The following TNR variants were observed in gnomAD, a reference collection of about 807,000 sequenced individuals.
The protein encoded by TNR is tenascin R, also known as tenascin-R.
A neutral mutation model predicts 150.4 loss-of-function variants in TNR; 45 were observed. The observed-to-expected ratio is 0.30, with a 90% CI of 0.24 to 0.38. TNR has a LOEUF of 0.38. TNR is among the 10% of genes least tolerant of loss of function. The probability of loss-of-function intolerance (pLI) is 1.00; values close to 1 mark genes in which losing one functional copy is unlikely to be tolerated. For missense variants in TNR, 1,544 were observed against 1,759.1 expected, an observed-to-expected ratio of 0.88 and a Z score of 2.19; for synonymous variants, 687 against 678.4, an observed-to-expected ratio of 1.01 and a Z score of -0.20.
At chr1:175,662,098 C>T (rs1168548716) in intron 1 of TNR, among the ~76,000 whole-genome samples, 1 of 152,074 alleles carries the variant, frequency 6.6e-6, no homozygotes, top group African/African-American at 2.4e-5. Context: ...GGGATTAGGA[C>T]CAGAAACCAC....
chr1:175,366,172 T>C (rs1359160110), intron 10 of TNR, 34 bp from the exon 11 acceptor site: 2 of 1,554,422 alleles, frequency 1.3e-6, no homozygotes, highest in African/African-American at 2.7e-5. Context: ...ATTTTACATG[T>C]GTTCCCCTGG....
In TNR at chr1:175,366,054, A is replaced by G. The variant is rs750755936; in HGVS notation, c.2138T>C (p.Ile713Thr). The part of the protein sequence containing the change: ...SLIWTKASGP[I>T]DHYRITFTPS... ...GGTAAAGGTAATTCGGTAGTGGTCA[A>G]TGGGGCCACTGGCCTTGGTCCAGAT... The change falls in exon 11 of 23, where the codon ATT becomes ACT. Residue 713 changes from isoleucine (I) to threonine (T), a missense_variant. Ile to Thr is a moderately conservative substitution (Grantham distance 89, BLOSUM62 -1). Transcript: ENST00000367674. 2.5e-6 allele frequency: 4 copies of G among 1,614,096 alleles called. No homozygotes were observed. Among genetic ancestry groups the G allele is most frequent in the East Asian group, 2.2e-5 (1 of 44,884 alleles).
intron 1 of TNR, among the ~76,000 whole-genome samples, chr1:175,591,117 A>G (rs927798569): frequency 1.3e-5 from 2 of 152,190 alleles, no homozygotes; most frequent in Non-Finnish European, 2.9e-5. Flanking sequence ...AAGATGCCAC[A>G]TCCTCCTGGC....
At chr1:175,457,858 T>C (rs1170760132) in intron 2 of TNR, among the ~76,000 whole-genome samples, 1 of 152,236 alleles carries the variant, frequency 6.6e-6, no homozygotes, top group African/African-American at 2.4e-5. Flanking sequence ...TTTCCCCACT[T>C]CTTAGATGAA....
At chr1:175,470,536 A>G (rs10912987) in intron 2 of TNR, among the ~76,000 whole-genome samples, 35,442 of 152,060 alleles carry the variant, frequency 0.23, 4,309 homozygotes, top group African/African-American at 0.3. Context: ...GGTACATAGT[A>G]GGTGTATATA....
At chr1:175,328,987 A>G (rs1004131689) in intron 21 of TNR, among the ~76,000 whole-genome samples, 1 of 152,230 alleles carries the variant, frequency 6.6e-6, no homozygotes, top group African/African-American at 2.4e-5. Context: ...TGGCTATTTT[A>G]TGCCCAAAGT....
chr1:175,508,306 C>T (rs2102156458), intron 2 of TNR, among the ~76,000 whole-genome samples: 1 of 152,258 alleles, frequency 6.6e-6, no homozygotes, highest in Admixed American at 6.5e-5. Context: ...GACTGTGTAT[C>T]TTTAAGTGGG....
intron 18 of TNR, among the ~76,000 whole-genome samples, chr1:175,346,470 G>A (rs1330879312): frequency 2.0e-5 from 3 of 151,678 alleles, no homozygotes; most frequent in Admixed American, 2.0e-4. Context: ...TAAACAAACA[G>A]GACTATGTAT....
At chr1:175,605,306 C>T (rs945222588) in intron 1 of TNR, among the ~76,000 whole-genome samples, 1 of 152,150 alleles carries the variant, frequency 6.6e-6, no homozygotes, top group African/African-American at 2.4e-5. Context: ...ATGGTTATAC[C>T]TATCTCACTG....
chr1:175,650,738 A>ACC (rs1664938884), intron 1 of TNR, among the ~76,000 whole-genome samples: 2 of 1,582 alleles, frequency 1.3e-3, no homozygotes, highest in Non-Finnish European at 2.6e-3. Flanking sequence ...CCGCCTCATT[A>ACC]CTACCCCTCT....
At chr1:175,513,978 A>G (rs1015057198) in intron 2 of TNR, among the ~76,000 whole-genome samples, 2 of 152,162 alleles carry the variant, frequency 1.3e-5, no homozygotes, top group Non-Finnish European at 2.9e-5. Flanking sequence ...TCCACACTGG[A>G]CCCATGAGGT....
chr1:175,737,054 T>TAAC (rs751192154), intron 1 of TNR, among the ~76,000 whole-genome samples: 7 of 151,822 alleles, frequency 4.6e-5, no homozygotes, highest in Admixed American at 6.6e-5. Flanking sequence ...AAAACAAAAA[T>TAAC]AACAACAACA....
chr1:175,560,714 C>CA (rs1480195112), intron 1 of TNR, among the ~76,000 whole-genome samples: 2 of 152,134 alleles, frequency 1.3e-5, no homozygotes, highest in South Asian at 2.1e-4. Context: ...TTTCTTTCTA[C>CA]AAAAAATCTA....
At chr1:175,325,786 C>A (rs971958722) in intron 21 of TNR, among the ~76,000 whole-genome samples, 1 of 151,470 alleles carries the variant, frequency 6.6e-6, no homozygotes, top group Non-Finnish European at 1.5e-5. Flanking sequence ...CCAAACACAG[C>A]ATGTTCTCAC....
In TNR at chr1:175,579,315, C is replaced by T. The variant is rs537878147; in HGVS notation, c.-164-50946G>A. Among the ~76,000 whole-genome samples, 4 of 152,082 alleles carry T rather than the reference C, an allele frequency of 2.6e-5. No individual in the cohort carries two copies. In the East Asian group the frequency reaches 7.7e-4, roughly 29 times the overall value. On this transcript the variant is annotated intron_variant, in intron 1 of 22. Transcript: ENST00000367674. ...TATAACACAAGATATTTTACATGGG[C>T]TATGGGAGTGCTACAGACTGTAGGA... is the stretch of plus-strand genomic sequence containing the variant.
At chr1:175,557,613 C>G (rs1661222752) in intron 1 of TNR, among the ~76,000 whole-genome samples, 2 of 151,592 alleles carry the variant, frequency 1.3e-5, no homozygotes, top group South Asian at 4.2e-4. Context: ...ATTAAAAAGT[C>G]AGGAAACAAC....
intron 1 of TNR, among the ~76,000 whole-genome samples, chr1:175,601,714 G>A (rs554210912): frequency 2.6e-5 from 4 of 152,062 alleles, no homozygotes; most frequent in Admixed American, 6.5e-5. Flanking sequence ...GAGAGAAATC[G>A]CTCCCCTCTC....
chr1:175,569,579 CA>C (rs1425136274), intron 1 of TNR, among the ~76,000 whole-genome samples: 2 of 152,242 alleles, frequency 1.3e-5, no homozygotes, highest in East Asian at 3.9e-4. Context: ...GTGGTTTTTG[CA>C]GTTTTGTTTT....
At chr1:175,362,881 G>T (rs890738868) in intron 13 of TNR, 72 bp from the exon 14 acceptor site, 2 of 1,583,310 alleles carry the variant, frequency 1.3e-6, no homozygotes, top group Non-Finnish European at 1.7e-6. Context: ...TACAGTCTAT[G>T]TCAATAAAGC....
Sources: gnomAD v4.1 joint callset for allele counts (sites outside exome capture counted in the v4.1 genomes callset) on GRCh38, gnomAD v4.1.1 for gene constraint, MANE v1.5 for transcripts, NCBI Gene and HGNC (gene_info 2026-07-23, HGNC 2026-07-21) for gene names.